KCNQ3: variants seen among roughly 807,000 people sequenced by gnomAD.
KCNQ3 encodes the protein potassium voltage-gated channel subfamily KQT member 3.
Under a neutral mutation model 92.5 loss-of-function variants are expected in KCNQ3, and 30 were observed. The ratio of observed to expected loss-of-function variants is 0.32; its 90% CI spans 0.24 to 0.44. The LOEUF (loss-of-function observed/expected upper bound fraction) is 0.44, where lower values mean the gene tolerates loss of function less well. Among genes scored for constraint, KCNQ3 ranks in the 20% least tolerant of loss-of-function variants. The pLI is 1.00. For synonymous variants in KCNQ3, 450 were observed against 468.8 expected (o/e 0.96, Z 0.52); for missense variants, 913 against 1,140.3 (o/e 0.80, Z 2.87).
At chr8:132,318,216 G>A (rs969255601) in intron 1 of KCNQ3, among the ~76,000 whole-genome samples, 8 of 152,206 alleles carry the variant, frequency 5.3e-5, no homozygotes, top group African/African-American at 1.9e-4. Flanking sequence ...TTTTCCTTAT[G>A]CTATAATTGG....
At chr8:132,138,883 C>T (rs1825192774) in intron 11 of KCNQ3, among the ~76,000 whole-genome samples, 1 of 152,158 alleles carries the variant, frequency 6.6e-6, no homozygotes, top group African/African-American at 2.4e-5. Flanking sequence ...ATTTGCTTGC[C>T]ATCCTTCCCA....
chr8:132,348,535 T>C (rs573208307), intron 1 of KCNQ3, among the ~76,000 whole-genome samples: 1 of 152,374 alleles, frequency 6.6e-6, no homozygotes, highest in East Asian at 1.9e-4. Context: ...CCTCAGGCTG[T>C]AGAACACTTG....
At chr8:132,329,181 A>G (rs187629833) in intron 1 of KCNQ3, among the ~76,000 whole-genome samples, 8 of 152,314 alleles carry the variant, frequency 5.3e-5, no homozygotes, top group Admixed American at 2.0e-4. Flanking sequence ...GAGCATGAAA[A>G]TAGGGCAACA....
intron 1 of KCNQ3, among the ~76,000 whole-genome samples, chr8:132,409,682 C>T (rs1820595574): frequency 6.6e-6 from 1 of 152,184 alleles, no homozygotes; most frequent in Admixed American, 6.6e-5. Flanking sequence ...GAACACCTCA[C>T]CATTTATCCC....
At chr8:132,186,320 C>G in intron 1 of KCNQ3, 139 bp from the exon 2 acceptor site, 1 of 690,190 alleles carries the variant, frequency 1.4e-6, no homozygotes. Flanking sequence ...CTATCCCATT[C>G]AATCTTCACG....
chr8:132,149,254 C>A (rs1184250076), intron 9 of KCNQ3, among the ~76,000 whole-genome samples: 1 of 152,218 alleles, frequency 6.6e-6, no homozygotes, highest in Non-Finnish European at 1.5e-5. Flanking sequence ...CAGGGTGGGG[C>A]CGCAAAAAGT....
chr8:132,170,596 G>A (rs1280987874), intron 7 of KCNQ3, among the ~76,000 whole-genome samples, 168 bp from the exon 8 acceptor site: 3 of 152,114 alleles, frequency 2.0e-5, no homozygotes, highest in African/African-American at 7.2e-5. Context: ...AAGCTGCTTT[G>A]GGAAGAAAAA....
At chr8:132,130,103 G>C in intron 14 of KCNQ3, 107 bp from the exon 15 acceptor site, 1 of 1,171,184 alleles carries the variant, frequency 8.5e-7, no homozygotes, top group Non-Finnish European at 1.2e-6. Flanking sequence ...TTTTTTTTGA[G>C]ACGAAGTCTC....
At chr8:132,301,800 G>A (rs1373242438) in intron 1 of KCNQ3, among the ~76,000 whole-genome samples, 1 of 152,178 alleles carries the variant, frequency 6.6e-6, no homozygotes, top group Non-Finnish European at 1.5e-5. Context: ...CATTGAGACT[G>A]AGACTGCTGT....
chr8:132,349,746 T>G (rs1444954946), intron 1 of KCNQ3, among the ~76,000 whole-genome samples: 1 of 152,184 alleles, frequency 6.6e-6, no homozygotes, highest in Admixed American at 6.5e-5. Flanking sequence ...TAAGCAGCTA[T>G]ATTCTTCCTG....
chr8:132,272,839 A>G (rs1411438953), intron 1 of KCNQ3, among the ~76,000 whole-genome samples: 1 of 152,030 alleles, frequency 6.6e-6, no homozygotes, highest in African/African-American at 2.4e-5. Context: ...CATATATTCC[A>G]CCCTGGCCCC....
intron 1 of KCNQ3, among the ~76,000 whole-genome samples, chr8:132,379,981 T>C (rs1345350982): frequency 2.0e-5 from 3 of 152,014 alleles, no homozygotes; most frequent in East Asian, 3.9e-4. Flanking sequence ...TTAGTTGTGA[T>C]GATAATAGTA....
chr8:132,352,921 G>C (rs917932197), intron 1 of KCNQ3, among the ~76,000 whole-genome samples: 1 of 152,134 alleles, frequency 6.6e-6, no homozygotes, highest in Non-Finnish European at 1.5e-5. Context: ...AGGCTGGTTT[G>C]GATTCATGGA....
chr8:132,190,256 A>T (rs1827119541), intron 1 of KCNQ3, among the ~76,000 whole-genome samples: 1 of 152,172 alleles, frequency 6.6e-6, no homozygotes, highest in Non-Finnish European at 1.5e-5. Context: ...ATCTCCAATG[A>T]GTCAGGCAGT....
At chr8:132,381,318 T>G (rs1819745500) in intron 1 of KCNQ3, among the ~76,000 whole-genome samples, 1 of 152,158 alleles carries the variant, frequency 6.6e-6, no homozygotes, top group African/African-American at 2.4e-5. Flanking sequence ...TCATGAAAGC[T>G]CCACAGCTGA....
chr8:132,144,515 G>A (rs184524957), intron 9 of KCNQ3, among the ~76,000 whole-genome samples: 24 of 152,298 alleles, frequency 1.6e-4, no homozygotes, highest in Non-Finnish European at 2.9e-4. Context: ...GATTTTCTTC[G>A]AAAGCTAGGG....
At chr8:132,446,610 G>C (rs2721906) in intron 1 of KCNQ3, among the ~76,000 whole-genome samples, 80,894 of 151,988 alleles carry the variant, frequency 0.53, 22,776 homozygotes, top group East Asian at 0.75. Context: ...CTATGTGTCA[G>C]CAAAAATTCC....
At chr8:132,268,604 G>A (rs1816061330) in intron 1 of KCNQ3, among the ~76,000 whole-genome samples, 1 of 152,160 alleles carries the variant, frequency 6.6e-6, no homozygotes, top group Non-Finnish European at 1.5e-5. Context: ...GTCTGAATAT[G>A]CCCACGTTTA....
intron 1 of KCNQ3, among the ~76,000 whole-genome samples, chr8:132,423,204 C>A (rs1189651842): frequency 6.6e-6 from 1 of 152,210 alleles, no homozygotes; most frequent in Non-Finnish European, 1.5e-5. Flanking sequence ...GAGGACACAG[C>A]AGCTTCCAAG....
Sources: allele counts gnomAD v4.1 joint callset (sites outside exome capture counted in the v4.1 genomes callset), GRCh38; gene constraint gnomAD v4.1.1; transcripts MANE v1.5; gene names NCBI Gene and HGNC (gene_info 2026-07-23, HGNC 2026-07-21).